FABP12: variants seen among roughly 807,000 people sequenced by gnomAD.
FABP12 encodes the protein fatty acid binding protein 12, also known as fatty acid-binding protein 12.
Under a neutral mutation model 13.7 loss-of-function variants are expected in FABP12, and 19 were observed. The ratio of observed to expected loss-of-function variants is 1.39; its 90% CI spans 0.97 to 2.04. The LOEUF is 2.04. Among genes scored for constraint, FABP12 ranks in the 30% most tolerant of loss-of-function variants. FABP12 has a pLI of 0.00. For synonymous variants in FABP12, 61 were observed against 57.0 expected (o/e 1.07, Z -0.32); for missense variants, 182 against 164.2 (o/e 1.11, Z -0.59).
chr8:81,573,576 C>T (rs1218889181), intron 1 of FABP12, among the ~76,000 whole-genome samples: 1 of 152,146 alleles, frequency 6.6e-6, no homozygotes, highest in Non-Finnish European at 1.5e-5. Flanking sequence ...TTCTACCCAT[C>T]CATGAGCATG....
At position 81,558,665 on chromosome 8, in the gene FABP12, G is replaced by A. The variant is rs1453111809; in HGVS notation, c.-184-18922C>T. Among the ~76,000 whole-genome samples the A allele has an allele frequency of 2.0e-5, 3 of 152,208 alleles. No homozygotes were observed. In the East Asian group the frequency reaches 5.8e-4, roughly 29 times the overall value. ...CCAGCACTTTGGGAGGCCGAGGCGG[G>A]CAGATTGTGAGGTCAGGAGTTCGAG... On this transcript the variant is annotated intron_variant, in intron 1 of 5. Transcript: ENST00000692030.
chr8:81,570,599 C>G (rs148199940), intron 1 of FABP12, among the ~76,000 whole-genome samples: 1 of 152,090 alleles, frequency 6.6e-6, no homozygotes, highest in South Asian at 2.1e-4. Context: ...TACCTCTCTG[C>G]AGCTGGTTGT....
At chr8:81,550,002 A>G (rs1303564664) in intron 1 of FABP12, among the ~76,000 whole-genome samples, 1 of 152,222 alleles carries the variant, frequency 6.6e-6, no homozygotes, top group Non-Finnish European at 1.5e-5. Flanking sequence ...TGTTATAGCT[A>G]TGGAGTTAAG....
intron 1 of FABP12, among the ~76,000 whole-genome samples, chr8:81,583,991 C>T (rs561690140): frequency 1.3e-5 from 2 of 152,256 alleles, no homozygotes; most frequent in African/African-American, 2.4e-5. Flanking sequence ...AAGTAATACA[C>T]CATAATCAAG....
At chr8:81,575,831 C>A (rs568029865) in intron 1 of FABP12, among the ~76,000 whole-genome samples, 1 of 152,234 alleles carries the variant, frequency 6.6e-6, no homozygotes, top group South Asian at 2.1e-4. Flanking sequence ...GGAGCCTGAA[C>A]CCTACTGTGA....
intron 1 of FABP12, among the ~76,000 whole-genome samples, chr8:81,558,963 T>C (rs991178322): frequency 4.0e-5 from 6 of 150,370 alleles, no homozygotes; most frequent in Admixed American, 1.3e-4. Context: ...GACCTACTAG[T>C]GACAGGGGAC....
At chr8:81,530,538 T>C (rs1035477894) in intron 2 of FABP12, among the ~76,000 whole-genome samples, 1 of 152,226 alleles carries the variant, frequency 6.6e-6, no homozygotes, top group Non-Finnish European at 1.5e-5. Flanking sequence ...AGGGAAGATA[T>C]ATTGGGAAAA....
chr8:81,572,843 G>A (rs1195255269), intron 1 of FABP12, among the ~76,000 whole-genome samples: 2 of 151,106 alleles, frequency 1.3e-5, no homozygotes, highest in Non-Finnish European at 3.0e-5. Flanking sequence ...TGTAGATTCT[G>A]GATATTAGTC....
chr8:81,539,300 AAGTAAT>A (rs1809289498), intron 2 of FABP12, among the ~76,000 whole-genome samples: 1 of 151,546 alleles, frequency 6.6e-6, no homozygotes, highest in Non-Finnish European at 1.5e-5. Flanking sequence ...TAATTTTTAT[AAGTAAT>A]AGTAAGTTAT....
At chr8:81,530,367 T>C (rs931894501) in intron 2 of FABP12, among the ~76,000 whole-genome samples, 15 of 152,220 alleles carry the variant, frequency 9.9e-5, no homozygotes, top group African/African-American at 3.6e-4. Flanking sequence ...ATTTATTTTG[T>C]CTGTCTCCCT....
exon 5 of FABP12, chr8:81,524,996 G>A: frequency 8.2e-7 from 1 of 1,212,168 alleles, no homozygotes; most frequent in East Asian, 2.4e-5. Context: ...TTTTACTTTG[G>A]AGTTTTATTT....
At chr8:81,553,412 C>T (rs574232996) in intron 1 of FABP12, among the ~76,000 whole-genome samples, 1 of 152,148 alleles carries the variant, frequency 6.6e-6, no homozygotes, top group African/African-American at 2.4e-5. Context: ...TCAATTTATA[C>T]TATATTTTCA....
intron 1 of FABP12, among the ~76,000 whole-genome samples, chr8:81,566,930 G>T (rs1390699077): frequency 6.6e-6 from 1 of 151,976 alleles, no homozygotes; most frequent in African/African-American, 2.4e-5. Flanking sequence ...ATCAAAAAAC[G>T]ATTAGAGTCA....
chr8:81,546,419 G>A (rs1809434745), intron 1 of FABP12, among the ~76,000 whole-genome samples: 2 of 152,050 alleles, frequency 1.3e-5, no homozygotes, highest in South Asian at 2.1e-4. Context: ...TTTGGGAGGC[G>A]GAGGTGGGTG....
chr8:81,581,613 T>A (rs994957318), intron 1 of FABP12, among the ~76,000 whole-genome samples: 1 of 152,096 alleles, frequency 6.6e-6, no homozygotes, highest in Non-Finnish European at 1.5e-5. Flanking sequence ...AGAACCCCCA[T>A]CAGATTAACA....
At chr8:81,527,028 T>G (rs1808920215) in exon 4 of FABP12, 1 of 1,603,058 alleles carries the variant, frequency 6.2e-7, no homozygotes, top group South Asian at 1.1e-5. Flanking sequence ...ACCACCACCA[T>G]TTTCCCATCC....
chr8:81,576,388 A>G (rs779656165), intron 1 of FABP12, among the ~76,000 whole-genome samples: 65 of 152,264 alleles, frequency 4.3e-4, no homozygotes, highest in Non-Finnish European at 8.2e-4. Flanking sequence ...TATATAGTAA[A>G]AGGTCTTCTC....
At chr8:81,528,370 C>T (rs771269051) in intron 3 of FABP12, among the ~76,000 whole-genome samples, 20 of 152,140 alleles carry the variant, frequency 1.3e-4, no homozygotes, top group Non-Finnish European at 2.6e-4. Flanking sequence ...TGAGCTACCG[C>T]ACCCAACCTA....
intron 1 of FABP12, among the ~76,000 whole-genome samples, chr8:81,583,137 G>T (rs1320821776): frequency 6.6e-6 from 1 of 152,092 alleles, no homozygotes; most frequent in African/African-American, 2.4e-5. Context: ...GAAGAATCAA[G>T]AGCCTCTTGA....
Sources: gnomAD v4.1 joint callset for allele counts (sites outside exome capture counted in the v4.1 genomes callset) on GRCh38, gnomAD v4.1.1 for gene constraint, MANE v1.5 for transcripts, NCBI Gene and HGNC (gene_info 2026-07-23, HGNC 2026-07-21) for gene names.